The following CAMK1D variants were observed in gnomAD, a reference collection of about 807,000 sequenced individuals.
CAMK1D encodes the protein calcium/calmodulin dependent protein kinase ID.
CAMK1D carries 9 observed loss-of-function variants against 47.7 expected under a neutral mutation model. That is an observed-to-expected ratio of 0.19 (90% confidence interval 0.11 to 0.33). The LOEUF (loss-of-function observed/expected upper bound fraction) is 0.33, where lower values mean the gene tolerates loss of function less well. Ranked by LOEUF, CAMK1D falls within the 10% of genes least tolerant of loss-of-function variation. CAMK1D has a pLI of 1.00. For synonymous variants in CAMK1D, 184 were observed against 184.9 expected (o/e 0.99, Z 0.04); for missense variants, 291 against 488.7 (o/e 0.60, Z 3.81).
chr10:12,605,384 GAGAC>G (rs1838426769), intron 2 of CAMK1D, among the ~76,000 whole-genome samples: 2 of 148,930 alleles, frequency 1.3e-5, no homozygotes, highest in South Asian at 2.1e-4. Context: ...GTCAAAGAGA[GAGAC>G]AGACACACAT....
chr10:12,440,254 C>T (rs1479987779), intron 1 of CAMK1D, among the ~76,000 whole-genome samples: 1 of 151,606 alleles, frequency 6.6e-6, no homozygotes, highest in Non-Finnish European at 1.5e-5. Context: ...GGTCTTTTTC[C>T]TGCCATTCCA....
intron 10 of CAMK1D, chr10:12,825,891 C>G (rs1407063151): frequency 5.3e-6 from 4 of 758,596 alleles, no homozygotes; most frequent in Non-Finnish European, 6.1e-6. Flanking sequence ...AATCCCAACA[C>G]TTTGGGAGGC....
Position 12,665,735 on chromosome 10 carries a change from G to A in CAMK1D, c.225-1001G>A, listed in dbSNP as rs116620289. Among the ~76,000 whole-genome samples the A allele has an allele frequency of 4.8e-3, 732 of 152,266 alleles. 6 individuals carry two copies. The highest frequency in any genetic ancestry group is 0.015 in the African/African-American group (628 of 41,560). ...TGGATAGTGCCAACGGCTAGAATTCGGCTGTTTCCTTCTGCCCTGGTTCTT... is the reference window on the plus strand; with the variant it reads ...TGGATAGTGCCAACGGCTAGAATTCAGCTGTTTCCTTCTGCCCTGGTTCTT... On this transcript the variant is annotated intron_variant, in intron 2 of 10. Coordinates refer to ENST00000619168, the MANE Select transcript of CAMK1D (RefSeq NM_153498.4).
intron 3 of CAMK1D, among the ~76,000 whole-genome samples, chr10:12,710,436 T>C (rs1463358028): frequency 1.3e-5 from 2 of 152,166 alleles, no homozygotes; most frequent in Admixed American, 6.5e-5. Flanking sequence ...ATGGAAAATA[T>C]GAACATGAAA....
chr10:12,811,675 TA>T (rs2131071617), intron 6 of CAMK1D, among the ~76,000 whole-genome samples: 1 of 152,304 alleles, frequency 6.6e-6, no homozygotes, highest in East Asian at 1.9e-4. Context: ...GGAATTTTCT[TA>T]AAGAATTTTT....
At chr10:12,490,198 G>A (rs1030703627) in intron 1 of CAMK1D, among the ~76,000 whole-genome samples, 1 of 152,198 alleles carries the variant, frequency 6.6e-6, no homozygotes, top group Non-Finnish European at 1.5e-5. Flanking sequence ...CCTTACTTGG[G>A]CCTGGGAAGT....
chr10:12,580,278 T>C (rs1262825317), intron 2 of CAMK1D, among the ~76,000 whole-genome samples: 1 of 151,996 alleles, frequency 6.6e-6, no homozygotes, highest in East Asian at 1.9e-4. Context: ...GTTTAGGAAT[T>C]GGGCATCTAG....
At chr10:12,671,941 A>T (rs964101720) in intron 3 of CAMK1D, among the ~76,000 whole-genome samples, 2 of 119,006 alleles carry the variant, frequency 1.7e-5, no homozygotes, top group Non-Finnish European at 1.7e-5. Context: ...TTTAAGATGG[A>T]GTCTCAGTCT....
At chr10:12,357,727 C>T (rs1564290941) in intron 1 of CAMK1D, among the ~76,000 whole-genome samples, 2 of 152,152 alleles carry the variant, frequency 1.3e-5, no homozygotes, top group African/African-American at 4.8e-5. Context: ...CAATTCCGTG[C>T]TTATTTAGTG....
At chr10:12,378,845 C>G (rs1838261048) in intron 1 of CAMK1D, among the ~76,000 whole-genome samples, 1 of 134,128 alleles carries the variant, frequency 7.5e-6, no homozygotes, top group Non-Finnish European at 1.5e-5. Context: ...TAGTCTTGCT[C>G]TGTCGCCTGG....
chr10:12,470,678 G>A (rs1369242066), intron 1 of CAMK1D, among the ~76,000 whole-genome samples: 2 of 151,928 alleles, frequency 1.3e-5, no homozygotes, highest in Non-Finnish European at 2.9e-5. Context: ...CACAACACCC[G>A]GCTAATTTTT....
chr10:12,623,934 C>A (rs1839126710), intron 2 of CAMK1D, among the ~76,000 whole-genome samples: 1 of 152,036 alleles, frequency 6.6e-6, no homozygotes, highest in Non-Finnish European at 1.5e-5. Flanking sequence ...CAAAAATTAG[C>A]TAGGCATAGT....
At chr10:12,560,494 A>C (rs1456606287) in intron 2 of CAMK1D, among the ~76,000 whole-genome samples, 2 of 149,454 alleles carry the variant, frequency 1.3e-5, no homozygotes, top group Non-Finnish European at 3.0e-5. Flanking sequence ...TGGAAGTTGC[A>C]GGGAGCCAGG....
chr10:12,690,711 T>A (rs1380902265), intron 3 of CAMK1D, among the ~76,000 whole-genome samples: 1 of 152,158 alleles, frequency 6.6e-6, no homozygotes. Flanking sequence ...TATAAAGCCA[T>A]GAGGCCAGTC....
At chr10:12,661,090 C>T (rs186749523) in intron 2 of CAMK1D, among the ~76,000 whole-genome samples, 87 of 152,262 alleles carry the variant, frequency 5.7e-4, no homozygotes, top group South Asian at 4.3e-3. Context: ...TGCTTTTCAA[C>T]ATGTCTTTTT....
At chr10:12,361,544 CCTTTTTT>C (rs1837663644) in intron 1 of CAMK1D, among the ~76,000 whole-genome samples, 1 of 99,016 alleles carries the variant, frequency 1.0e-5, no homozygotes, top group African/African-American at 3.6e-5. Context: ...TGTGCCTGGC[CCTTTTTT>C]TTTTTTTTTT....
rs1008119555 is a variant in CAMK1D at position 12,833,534 on chromosome 10, G to A, written c.*4647G>A. 1.1e-4 allele frequency: 17 copies of A among 152,222 alleles called. No homozygotes were observed. The highest frequency in any genetic ancestry group is 3.9e-4 in the African/African-American group (16 of 41,454). 9.4% of individuals were successfully genotyped at this position (152,222 alleles called of 1,614,324 possible). A position where few individuals can be genotyped will look rare whatever the true frequency, so the allele number is the denominator to read the frequency against. ...GAACCTTGGCCAGAATTGAGTCTTCGCGTTGGGGAGGCCACGCTGGAACCA... is the reference window on the plus strand; with the variant it reads ...GAACCTTGGCCAGAATTGAGTCTTCACGTTGGGGAGGCCACGCTGGAACCA... On this transcript the variant is annotated 3_prime_UTR_variant, in exon 11 of 11. Coordinates refer to ENST00000619168, the MANE Select transcript of CAMK1D (RefSeq NM_153498.4).
At chr10:12,527,327 G>C (rs990063224) in intron 1 of CAMK1D, among the ~76,000 whole-genome samples, 2 of 149,644 alleles carry the variant, frequency 1.3e-5, no homozygotes, top group African/African-American at 4.9e-5. Flanking sequence ...TTCTTCCAGG[G>C]TGCGGTTCCT....
chr10:12,360,949 T>C (rs564524358), intron 1 of CAMK1D, among the ~76,000 whole-genome samples: 2 of 152,258 alleles, frequency 1.3e-5, no homozygotes, highest in South Asian at 2.1e-4. Context: ...GTTGGAATAG[T>C]GTCCACGTCA....
Sources: gnomAD v4.1 joint callset for allele counts (sites outside exome capture counted in the v4.1 genomes callset) on GRCh38, gnomAD v4.1.1 for gene constraint, MANE v1.5 for transcripts, NCBI Gene and HGNC (gene_info 2026-07-23, HGNC 2026-07-21) for gene names.